Variants in ZNF174 observed in about 807,000 individuals in gnomAD.
The protein encoded by ZNF174 is zinc finger protein 174, also known as AW-1.
A neutral mutation model predicts 38.7 loss-of-function variants in ZNF174; 30 were observed. That is an observed-to-expected ratio of 0.78 (90% confidence interval 0.58 to 1.05). The LOEUF (loss-of-function observed/expected upper bound fraction) is 1.05. ZNF174 is among the 50% of genes least tolerant of loss of function. The pLI, the probability that ZNF174 is intolerant of heterozygous loss-of-function variation, is 0.00. For synonymous variants in ZNF174, 201 were observed against 181.7 expected (o/e 1.11, Z -0.86); for missense variants, 499 against 495.6 (o/e 1.01, Z -0.06).
chr16:3,402,503 G>A, intron 1 of ZNF174, 97 bp downstream of exon 1: 1 of 1,276,360 alleles, frequency 7.8e-7, no homozygotes, highest in East Asian at 2.6e-5. Flanking sequence ...CTTTCGCCCA[G>A]GCCCGAGTGC....
rs1363950674 is a variant in ZNF174 at position 3,401,687 on chromosome 16, G to A, written c.-318G>A. The A allele has an allele frequency of 3.6e-6, 1 of 278,120 alleles. No individual in the cohort carries two copies. The highest frequency in any genetic ancestry group is 6.9e-6 in the Non-Finnish European group (1 of 145,798). The allele number at this position is 278,120 out of a possible 1,614,324, so 17.2% of individuals were successfully genotyped here. ...AGAGCGTATTGCTCATTAAATCCGA[G>A]ACCTGTGTGCTTGCTACTGAAATAA... On this transcript the variant is annotated 5_prime_UTR_variant, in exon 1 of 3. Coordinates refer to ENST00000268655, the MANE Select transcript of ZNF174 (RefSeq NM_003450.3).
chr16:3,404,575 T>C lies in ZNF174; in HGVS notation c.552T>C (p.Tyr184=). The C allele has an allele frequency of 6.2e-7, 1 of 1,614,224 alleles. No homozygotes were observed. The highest frequency in any genetic ancestry group is 1.3e-5 in the African/African-American group (1 of 75,058). Residue 184 remains tyrosine (Y), a synonymous_variant, in exon 2 of 3, where the codon TAT becomes TAC. Coordinates refer to ENST00000268655, the MANE Select transcript of ZNF174 (RefSeq NM_003450.3). ...SPAEPSQAGA[Y]DRLSPHHWEK... is the part of the protein sequence containing the mutation. ...CAGAGCCTTCCCAGGCAGGAGCTTA[T>C]GACCGGCTGAGCCCCCATCATTGGG...
At chr16:3,407,844 G>A (rs939372154) in intron 2 of ZNF174, among the ~76,000 whole-genome samples, 3 of 152,210 alleles carry the variant, frequency 2.0e-5, no homozygotes, top group Non-Finnish European at 2.9e-5. Flanking sequence ...ATCTTTTGAA[G>A]AGAAGGTGGT....
chr16:3,408,223 G>A (rs960970009), intron 2 of ZNF174, 98 bp from the exon 3 acceptor site: 13 of 1,265,798 alleles, frequency 1.0e-5, no homozygotes, highest in Non-Finnish European at 1.4e-5. Context: ...TGCCAGCGGA[G>A]GGCCACCCTT....
Position 3,402,325 on chromosome 16 carries a change from G to C in ZNF174, c.321G>C (p.Arg107Ser). Residue 107 changes from arginine to serine, a missense_variant, in exon 1 of 3, where the codon AGG becomes AGC. Coordinates refer to ENST00000268655, the MANE Select transcript of ZNF174 (RefSeq NM_003450.3). ...CCCCGGAGATCCAGGCTCGGGTCAG[G>C]CATCGATGTCCAATGAGCAGCAAGG... is the stretch of plus-strand genomic sequence containing the variant. ...ILPPEIQARVRHRCPMSSKEI... is the reference protein window; with the variant it reads ...ILPPEIQARVSHRCPMSSKEI... 1 of 1,614,080 alleles carries C rather than the reference G, an allele frequency of 6.2e-7. No individual in the cohort carries two copies. Among genetic ancestry groups the C allele is most frequent in the East Asian group, 2.2e-5 (1 of 44,884 alleles).
chr16:3,404,708 A>T (rs1252961225), intron 2 of ZNF174, 60 bp downstream of exon 2: 1 of 1,588,810 alleles, frequency 6.3e-7, no homozygotes, highest in South Asian at 1.1e-5. Context: ...AATGTATCTC[A>T]TGGTTCTGCA....
chr16:3,406,672 T>C (rs1335674607), intron 2 of ZNF174, among the ~76,000 whole-genome samples: 1 of 152,272 alleles, frequency 6.6e-6, no homozygotes, highest in Non-Finnish European at 1.5e-5. Context: ...GTATTCTAGA[T>C]ACTAGACCCT....
rs1314577900 is a variant in ZNF174 at position 3,402,387 on chromosome 16, C to T, written c.383C>T (p.Ser128Phe). The change falls in exon 1 of 3, where the codon TCC becomes TTC. Residue 128 changes from serine to phenylalanine, a missense_variant. Ser to Phe is a radical substitution (Grantham distance 155). Coordinates refer to ENST00000268655, the MANE Select transcript of ZNF174 (RefSeq NM_003450.3). ...VTLVEDFHRA[S>F]KKPKQWVAVC... ...CTCGTGGAAGATTTTCACAGAGCAT[C>T]CAAGAAACCAAAGCAGTGGGTAAGG... is the stretch of plus-strand genomic sequence containing the variant. The T allele has an allele frequency of 1.9e-6, 3 of 1,613,814 alleles. No homozygotes were observed. The highest frequency in any genetic ancestry group is 1.7e-4 in the Middle Eastern group (1 of 6,056).
Position 3,409,125 on chromosome 16 carries a change from G to T in ZNF174, c.*206G>T, listed in dbSNP as rs1314991190. 15 of 590,412 alleles carry T rather than the reference G, an allele frequency of 2.5e-5. No homozygotes were observed. The highest frequency in any genetic ancestry group is 4.2e-5 in the Non-Finnish European group (14 of 337,194). 36.6% of individuals were successfully genotyped at this position (590,412 alleles called of 1,614,324 possible). On this transcript the variant is annotated 3_prime_UTR_variant, in exon 3 of 3. Transcript: ENST00000268655. Reference sequence around the variant, plus strand: ...TGATGACAGGGTGAAGAGAAGGCAGGTCTGGGCACTGGGGCAAAGAGAACT... The same window carrying T: ...TGATGACAGGGTGAAGAGAAGGCAGTTCTGGGCACTGGGGCAAAGAGAACT...
In ZNF174 at chr16:3,401,799, C is replaced by G; in HGVS notation, c.-206C>G. On this transcript the variant is annotated 5_prime_UTR_variant, in exon 1 of 3. Coordinates refer to ENST00000268655, the MANE Select transcript of ZNF174 (RefSeq NM_003450.3). ...GCAAAAAACTGACAAGAAGACAAAA[C>G]TCTTCCCACTCCCAGGGACCGCGTT... The G allele has an allele frequency of 1.7e-6, 1 of 582,956 alleles. No homozygotes were observed. Among genetic ancestry groups the G allele is most frequent in the Non-Finnish European group, 2.9e-6 (1 of 343,538 alleles). The allele number at this position is 582,956 out of a possible 1,614,324, so 36.1% of individuals were successfully genotyped here.
intron 2 of ZNF174, among the ~76,000 whole-genome samples, chr16:3,405,670 CT>C (rs1285336232): frequency 6.6e-6 from 1 of 152,202 alleles, no homozygotes; most frequent in Non-Finnish European, 1.5e-5. Flanking sequence ...CCACAGTCTA[CT>C]TTTTGTCTCT....
chr16:3,404,974 A>C (rs2034034216), intron 2 of ZNF174: 6 of 1,614,068 alleles, frequency 3.7e-6, no homozygotes, highest in Non-Finnish European at 5.1e-6. Flanking sequence ...GCTATGGCTG[A>C]GTTTCATTGC....
chr16:3,402,389 A>C lies in ZNF174; in HGVS notation c.385A>C (p.Lys129Gln). Residue 129 changes from lysine (K) to glutamine (Q), a missense_variant, in exon 1 of 3, where the codon AAG becomes CAG. Lys to Gln is a moderately conservative substitution (Grantham distance 53). Coordinates refer to ENST00000268655, the MANE Select transcript of ZNF174 (RefSeq NM_003450.3). ...TLVEDFHRASKKPKQWVAVCM... is the reference protein window; with the variant it reads ...TLVEDFHRASQKPKQWVAVCM... ...CGTGGAAGATTTTCACAGAGCATCC[A>C]AGAAACCAAAGCAGTGGGTAAGGAG... 6.2e-7 allele frequency: 1 copy of C among 1,613,786 alleles called. No homozygotes were observed. Among genetic ancestry groups the C allele is most frequent in the Non-Finnish European group, 8.5e-7 (1 of 1,179,950 alleles).
At position 3,409,230 on chromosome 16, in the gene ZNF174, C is replaced by T. The variant is rs184066945; in HGVS notation, c.*311C>T. 6.9e-5 allele frequency: 22 copies of T among 318,994 alleles called. No individual in the cohort carries two copies. The highest frequency in any genetic ancestry group is 2.5e-4 in the African/African-American group (12 of 47,878). 19.8% of individuals were successfully genotyped at this position (318,994 alleles called of 1,614,324 possible). A position where few individuals can be genotyped will look rare whatever the true frequency, so the allele number is the denominator to read the frequency against. ...GCAGGTGGCCCGCTTACTGTTAAATCGTCCCTCTGTTGCTTTATCCTCTAA... is the reference window on the plus strand; with the variant it reads ...GCAGGTGGCCCGCTTACTGTTAAATTGTCCCTCTGTTGCTTTATCCTCTAA... On this transcript the variant is annotated 3_prime_UTR_variant, in exon 3 of 3. Coordinates refer to ENST00000268655, the MANE Select transcript of ZNF174 (RefSeq NM_003450.3).
Position 3,405,473 on chromosome 16 carries a change from C to T in ZNF174, c.625+825C>T, listed in dbSNP as rs940500074. Among the ~76,000 whole-genome samples the T allele has an allele frequency of 4.6e-5, 7 of 152,218 alleles. No homozygotes were observed. The South Asian group carries it at 1.2e-3, about 27-fold the overall frequency. On this transcript the variant is annotated intron_variant, in intron 2 of 2. Coordinates refer to ENST00000268655, the MANE Select transcript of ZNF174 (RefSeq NM_003450.3). Reference sequence around the variant, plus strand: ...GTCACAGACTGCCTACTTCTCAGTCCTCATGTGGCAGAAGGGGAAGACAGG... The same window carrying T: ...GTCACAGACTGCCTACTTCTCAGTCTTCATGTGGCAGAAGGGGAAGACAGG...
chr16:3,401,902 C>T lies in ZNF174; in HGVS notation c.-103C>T. ...CGTTCCCCCTAACATCCTCAGAGAA[C>T]CTTCGTTTCTAGAATCTTTCTAGTA... On this transcript the variant is annotated 5_prime_UTR_variant, in exon 1 of 3. Coordinates refer to ENST00000268655, the MANE Select transcript of ZNF174 (RefSeq NM_003450.3). The T allele has an allele frequency of 1.4e-6, 2 of 1,424,002 alleles. No homozygotes were observed. Among genetic ancestry groups the T allele is most frequent in the South Asian group, 2.5e-5 (2 of 79,574 alleles). 88.2% of individuals were successfully genotyped at this position (1,424,002 alleles called of 1,614,324 possible).
chr16:3,402,464 T>C (rs2033950149), intron 1 of ZNF174, 58 bp downstream of exon 1: 1 of 1,526,932 alleles, frequency 6.5e-7, no homozygotes, highest in African/African-American at 1.4e-5. Context: ...TTTTTTTTTT[T>C]TTTTCTTTTT....
chr16:3,403,438 T>A (rs943569503), intron 1 of ZNF174, among the ~76,000 whole-genome samples: 5 of 151,778 alleles, frequency 3.3e-5, no homozygotes, highest in African/African-American at 9.7e-5. Context: ...CTCAAAGTGC[T>A]GGGATTACAG....
At position 3,408,484 on chromosome 16, in the gene ZNF174, G is replaced by C; in HGVS notation, c.789G>C (p.Gln263His). Residue 263 changes from glutamine (Q) to histidine (H), a missense_variant, in exon 3 of 3, where the codon CAG (glutamine) becomes CAC (histidine). Gln to His is a conservative substitution (Grantham distance 24). Coordinates refer to ENST00000268655, the MANE Select transcript of ZNF174 (RefSeq NM_003450.3). The part of the protein sequence containing the change: ...NMSEPRLSRR[Q>H]VSSPNAQKPF... The stretch of plus-strand genomic sequence containing the variant: ...GTGAACCTCGGTTGTCACGGAGGCA[G>C]GTCAGCTCCCCAAATGCTCAAAAGC... The C allele has an allele frequency of 6.2e-7, 1 of 1,614,146 alleles. No homozygotes were observed. The highest frequency in any genetic ancestry group is 8.5e-7 in the Non-Finnish European group (1 of 1,180,020).
Sources: gnomAD v4.1 joint callset for allele counts (sites outside exome capture counted in the v4.1 genomes callset) on GRCh38, gnomAD v4.1.1 for gene constraint, MANE v1.5 for transcripts, NCBI Gene and HGNC (gene_info 2026-07-23, HGNC 2026-07-21) for gene names.